CD101: variants seen among roughly 807,000 people sequenced by gnomAD.
CD101 encodes the protein immunoglobulin superfamily member 2.
CD101 carries 76 observed loss-of-function variants against 98.2 expected under a neutral mutation model. The ratio of observed to expected loss-of-function variants is 0.77; its 90% CI spans 0.64 to 0.94. CD101 has a LOEUF of 0.94. Ranked by LOEUF, CD101 falls within the 40% of genes least tolerant of loss-of-function variation. The pLI is 0.00. For synonymous variants in CD101, 471 were observed against 472.7 expected, an observed-to-expected ratio of 1.00 and a Z score of 0.05; for missense variants, 1,145 against 1,218.8, an observed-to-expected ratio of 0.94 and a Z score of 0.90.
At position 117,023,581 on chromosome 1, in the gene CD101, T is replaced by C. The variant is rs1263889716; in HGVS notation, c.2428+1598T>C. On this transcript the variant is annotated intron_variant, in intron 7 of 9. Coordinates refer to ENST00000682167, the MANE Select transcript of CD101 (RefSeq NM_001256106.3). This position sits in a 1 kb window ranked among gnomAD's most constrained non-coding sequence, Gnocchi z 4.4. ...ACAGGTGTGTGCCACCATGCCTGGCTAATTTTTGTAATTTTAGTAGAGACA... is the reference window on the plus strand; with the variant it reads ...ACAGGTGTGTGCCACCATGCCTGGCCAATTTTTGTAATTTTAGTAGAGACA... 2.0e-5 allele frequency among the ~76,000 whole-genome samples: 3 copies of C among 152,128 alleles called. No homozygotes were observed. Among genetic ancestry groups the C allele is most frequent in the African/African-American group, 7.2e-5 (3 of 41,416 alleles).
rs1337055329 is a variant in CD101 at position 117,009,922 on chromosome 1, T to C, written c.116T>C (p.Val39Ala). ...GPLFRAEGYPVSIGCNVTGHQ... is the reference protein window; with the variant it reads ...GPLFRAEGYPASIGCNVTGHQ... ...CTGTTTAGAGCTGAAGGTTACCCAG[T>C]CAGCATTGGCTGCAATGTAACTGGC... Residue 39 changes from valine (V) to alanine (A), a missense_variant, in exon 2 of 10, where the codon GTC (valine) becomes GCC (alanine). Coordinates refer to ENST00000682167, the MANE Select transcript of CD101 (RefSeq NM_001256106.3). The C allele has an allele frequency of 6.2e-7, 1 of 1,614,072 alleles. No individual in the cohort carries two copies. Among genetic ancestry groups the C allele is most frequent in the East Asian group, 2.2e-5 (1 of 44,884 alleles).
In CD101 at chr1:117,022,573, T is replaced by G. The variant is rs1372392441; in HGVS notation, c.2428+590T>G. 6.6e-6 allele frequency among the ~76,000 whole-genome samples: 1 copy of G among 152,122 alleles called. No homozygotes were observed. The highest frequency in any genetic ancestry group is 1.5e-5 in the Non-Finnish European group (1 of 68,026). ...ACTGTCTAAATGTGGGCAGGGTTGA[T>G]TAGGTCTCTCAGCATAGGTTAGGTC... On this transcript the variant is annotated intron_variant, in intron 7 of 9. Transcript: ENST00000682167. This position sits in a 1 kb window ranked among gnomAD's most constrained non-coding sequence, Gnocchi z 4.8.
chr1:117,012,894 T>C lies in CD101; in HGVS notation c.842-512T>C, dbSNP rs1289062286. ...AAAGTTTTTTCTTTATTAAAAACAG[T>C]ATTATTGTGTTCCACTAAAAATTGT... On this transcript the variant is annotated intron_variant, in intron 3 of 9. Transcript: ENST00000682167. The surrounding 1 kb of genome is among the most constrained non-coding windows in gnomAD (Gnocchi z 4.0). 6.6e-6 allele frequency among the ~76,000 whole-genome samples: 1 copy of C among 152,180 alleles called. No individual in the cohort carries two copies. Among genetic ancestry groups the C allele is most frequent in the African/African-American group, 2.4e-5 (1 of 41,448 alleles).
Position 117,025,607 on chromosome 1 carries a change from G to C in CD101, c.2527G>C (p.Ala843Pro), listed in dbSNP as rs1337687739. 1 of 1,613,934 alleles carries C rather than the reference G, an allele frequency of 6.2e-7. No homozygotes were observed. The change falls in exon 8 of 10, where the codon GCC becomes CCC. Residue 843 changes from alanine (A) to proline (P), a missense_variant. Coordinates refer to ENST00000682167, the MANE Select transcript of CD101 (RefSeq NM_001256106.3). ...RCSLESVGSS[A>P]TLYSVMWYWN... is the part of the protein sequence containing the mutation. ...CAGCCTGGAGAGTGTAGGCAGCTCA[G>C]CCACTCTGTACTCTGTGATGTGGTA... is the stretch of plus-strand genomic sequence containing the variant.
intron 1 of CD101, among the ~76,000 whole-genome samples, chr1:117,008,109 A>G (rs908535847): frequency 9.2e-5 from 14 of 152,338 alleles, no homozygotes; most frequent in Non-Finnish European, 8.8e-5. Flanking sequence ...TCTTATTACA[A>G]AAAAAGCATG....
In CD101 at chr1:117,033,128, T is replaced by C. The variant is rs12092889; in HGVS notation, c.2825-732T>C. ...AAAGAGGCCTAAACAAAGGGCTGAG[T>C]GAGAACGGGATGGAAGAGAAGAACT... On this transcript the variant is annotated intron_variant, in intron 8 of 9. Transcript: ENST00000682167. This position sits in a 1 kb window ranked among gnomAD's most constrained non-coding sequence, Gnocchi z 4.8. The C allele has an allele frequency of 8.7e-3, 1,324 of 152,454 alleles. 19 individuals carry two copies. Among genetic ancestry groups the C allele is most frequent in the African/African-American group, 0.03 (1,251 of 41,416 alleles). The allele number at this position is 152,454 out of a possible 1,614,324, so 9.4% of individuals were successfully genotyped here.
Position 117,033,939 on chromosome 1 carries a change from CCTT to C in CD101, c.2907_2909del (p.Leu971del). The C allele has an allele frequency of 6.2e-7, 1 of 1,614,200 alleles. No homozygotes were observed. The highest frequency in any genetic ancestry group is 8.5e-7 in the Non-Finnish European group (1 of 1,180,040). ...TCATCTGTCCCTTCGTCCTGCTCCT[CCTT>C]CTGCTCATCTCCCTCCTCTGCTTAT... is the stretch of plus-strand genomic sequence containing the variant. On this transcript the variant is annotated inframe_deletion, in exon 9 of 10. Coordinates refer to ENST00000682167, the MANE Select transcript of CD101 (RefSeq NM_001256106.3). This position sits in a 1 kb window ranked among gnomAD's most constrained non-coding sequence, Gnocchi z 4.8.
chr1:117,035,009 T>A (rs1002849739), intron 9 of CD101, among the ~76,000 whole-genome samples: 10 of 152,164 alleles, frequency 6.6e-5, no homozygotes, highest in African/African-American at 2.4e-4. Context: ...CTCATACGCC[T>A]GCAGGGCTGG....
rs936056282 is a variant in CD101, at chr1:117,006,136, C to T, written c.44-3714C>T. ...TTCTAGTCAGAGTATCAATATTCTC[C>T]CAGGCAGCCTTATCAAACCTATGAT... On this transcript the variant is annotated intron_variant, in intron 1 of 9. Transcript: ENST00000682167. This position sits in a 1 kb window ranked among gnomAD's most constrained non-coding sequence, Gnocchi z 4.4. 2.6e-5 allele frequency among the ~76,000 whole-genome samples: 4 copies of T among 152,020 alleles called. No individual in the cohort carries two copies. Among genetic ancestry groups the T allele is most frequent in the Admixed American group, 2.6e-4 (4 of 15,248 alleles).
chr1:117,023,498 C>T lies in CD101; in HGVS notation c.2428+1515C>T, dbSNP rs1019715876. Among the ~76,000 whole-genome samples the T allele has an allele frequency of 3.9e-5, 6 of 151,920 alleles. No individual in the cohort carries two copies. Among genetic ancestry groups the T allele is most frequent in the Non-Finnish European group, 8.8e-5 (6 of 67,980 alleles). On this transcript the variant is annotated intron_variant, in intron 7 of 9. Transcript: ENST00000682167. The surrounding 1 kb of genome is among the most constrained non-coding windows in gnomAD (Gnocchi z 4.4). Reference sequence around the variant, plus strand: ...GTGGTATGATCTTAGCTCACTGCAACCTCCTCCTCCTGGGTTCAAGCAATT... The same window carrying T: ...GTGGTATGATCTTAGCTCACTGCAATCTCCTCCTCCTGGGTTCAAGCAATT...
rs552051784 is a variant in CD101, at chr1:117,021,868, C to T, written c.2313C>T (p.Ser771=). 9.9e-6 allele frequency: 16 copies of T among 1,614,062 alleles called. No homozygotes were observed. The highest frequency in any genetic ancestry group is 3.3e-5 in the Admixed American group (2 of 60,010). ...TGCACATTCTGAATGTGGAAGACAG[C>T]GATCGGGGCAAATATCACTGTGCTG... ...FQLHILNVED[S]DRGKYHCAVE... is the part of the protein sequence containing the mutation. The change falls in exon 7 of 10, where the codon AGC becomes AGT. Residue 771 remains serine, a synonymous_variant. Transcript: ENST00000682167. The surrounding 1 kb of genome is among the most constrained non-coding windows in gnomAD (Gnocchi z 4.7).
rs750706333 is a variant in CD101, at chr1:117,025,558, G to A, written c.2478G>A (p.Glu826=). Residue 826 remains glutamate (E), a synonymous_variant, in exon 8 of 10, where the codon GAG becomes GAA. Transcript: ENST00000682167. ...SKVYWTENVT[E]HREVAIRCSL... is the part of the protein sequence containing the mutation. ...TGTACTGGACCGAAAATGTGACTGA[G>A]CACAGAGAAGTGGCCATCCGCTGCA... 3.1e-6 allele frequency: 5 copies of A among 1,609,216 alleles called. No individual in the cohort carries two copies. The highest frequency in any genetic ancestry group is 4.2e-6 in the Non-Finnish European group (5 of 1,178,090).
rs1414051148 is a variant in CD101, at chr1:117,019,732, C to A, written c.2017+1172C>A. Among the ~76,000 whole-genome samples the A allele has an allele frequency of 6.6e-6, 1 of 152,168 alleles. No homozygotes were observed. The highest frequency in any genetic ancestry group is 2.4e-5 in the African/African-American group (1 of 41,438). On this transcript the variant is annotated intron_variant, in intron 6 of 9. Transcript: ENST00000682167. This position sits in a 1 kb window ranked among gnomAD's most constrained non-coding sequence, Gnocchi z 4.3. ...TCTCCAGACTCGTATATCCAGCTGT[C>A]TCCAAGACATGCCTGCACTCATTAT...
intron 9 of CD101, 148 bp downstream of exon 9, chr1:117,034,282 T>C (rs1362638687): frequency 4.4e-6 from 3 of 685,704 alleles, no homozygotes; most frequent in Non-Finnish European, 7.3e-6. Flanking sequence ...AGGTGTTCCT[T>C]TGTGTCTTAC....
Position 117,018,291 on chromosome 1 carries a change from C to G in CD101, c.1748C>G (p.Pro583Arg), listed in dbSNP as rs746998244. Reference protein sequence around the residue: ...VPLTVTWQFQPASSHIFHQLI... With the variant: ...VPLTVTWQFQRASSHIFHQLI... ...CTCACTGTGACGTGGCAGTTCCAGC[C>G]AGCTAGCTCTCACATCTTCCACCAG... The change falls in exon 6 of 10, where the codon CCA becomes CGA. Residue 583 changes from proline (P) to arginine (R), a missense_variant. By Grantham distance (103) the Pro-to-Arg change is moderately radical. Coordinates refer to ENST00000682167, the MANE Select transcript of CD101 (RefSeq NM_001256106.3). This position sits in a 1 kb window ranked among gnomAD's most constrained non-coding sequence, Gnocchi z 4.3. 5 of 1,614,044 alleles carry G rather than the reference C, an allele frequency of 3.1e-6. No homozygotes were observed. Among genetic ancestry groups the G allele is most frequent in the Admixed American group, 3.3e-5 (2 of 60,000 alleles).
chr1:117,034,033 G>A lies in CD101; in HGVS notation c.2998G>A (p.Asp1000Asn). Residue 1000 changes from aspartate to asparagine, a missense_variant, in exon 9 of 10, where the codon GAC (aspartate) becomes AAC (asparagine). Coordinates refer to ENST00000682167, the MANE Select transcript of CD101 (RefSeq NM_001256106.3). ...NTRKEKALWV[D>N]LKEAGGVTTN... ...ACGGAAAGAAAAAGCTCTCTGGGTG[G>A]ACTTGAAAGAGGCTGGAGGTGTGAC... 6.2e-7 allele frequency: 1 copy of A among 1,614,174 alleles called. No individual in the cohort carries two copies. The highest frequency in any genetic ancestry group is 1.3e-5 in the African/African-American group (1 of 75,044).
In CD101 at chr1:117,021,513, CTCTACTACCTTAACTT is replaced by C. The variant is rs1482933261; in HGVS notation, c.2018-55_2018-40del. On this transcript the variant is annotated intron_variant, in intron 6 of 9. Coordinates refer to ENST00000682167, the MANE Select transcript of CD101 (RefSeq NM_001256106.3). This position sits in a 1 kb window ranked among gnomAD's most constrained non-coding sequence, Gnocchi z 4.7. ...CAGTGTCATACTTGACCTCTAATGT[CTCTACTACCTTAACTT>C]TCTATTTCATAGCAAAGTAACTGTT... is the stretch of plus-strand genomic sequence containing the variant. The C allele has an allele frequency of 2.1e-6, 3 of 1,429,004 alleles. No individual in the cohort carries two copies. The highest frequency in any genetic ancestry group is 2.4e-5 in the East Asian group (1 of 42,190). 88.5% of individuals were successfully genotyped at this position (1,429,004 alleles called of 1,614,324 possible). A position where few individuals can be genotyped will look rare whatever the true frequency, so the allele number is the denominator to read the frequency against.
chr1:117,002,663 C>T (rs914416960), intron 1 of CD101, among the ~76,000 whole-genome samples: 6 of 152,088 alleles, frequency 3.9e-5, no homozygotes, highest in Non-Finnish European at 1.5e-5. Flanking sequence ...GGAAATCAGT[C>T]ACATTGAAAT....
chr1:117,002,795 G>T (rs188375728), intron 1 of CD101, among the ~76,000 whole-genome samples: 1 of 152,264 alleles, frequency 6.6e-6, no homozygotes, highest in East Asian at 1.9e-4. Context: ...GTAATGATGA[G>T]TATAAATAAC....
Sources: gnomAD v4.1 joint callset for allele counts (sites outside exome capture counted in the v4.1 genomes callset) on GRCh38, gnomAD v4.1.1 for gene constraint, Gnocchi (gnomAD v3.1) non-coding constraint, MANE v1.5 for transcripts, NCBI Gene and HGNC (gene_info 2026-07-23, HGNC 2026-07-21) for gene names.